FAM193A: variants seen among roughly 807,000 people sequenced by gnomAD.
FAM193A encodes protein FAM193A.
In FAM193A, 22 loss-of-function variants were observed where a neutral mutation model predicts 126.5. The ratio of observed to expected loss-of-function variants is 0.17; its 90% confidence interval spans 0.12 to 0.25. The LOEUF (loss-of-function observed/expected upper bound fraction) is 0.25. Among genes scored for constraint, FAM193A ranks in the 10% least tolerant of loss-of-function variants. The pLI is 1.00. For missense variants in FAM193A, 1,675 were observed against 1,672.8 expected, an observed-to-expected ratio of 1.00 and a Z score of -0.02; for synonymous variants, 761 against 646.8, an observed-to-expected ratio of 1.18 and a Z score of -2.68.
At chr4:2,641,650 A>T (rs1744639262) in intron 6 of FAM193A, among the ~76,000 whole-genome samples, 1 of 152,150 alleles carries the variant, frequency 6.6e-6, no homozygotes, top group Admixed American at 6.5e-5. Flanking sequence ...GCGAGACTCC[A>T]TCTGAAAACA....
intron 6 of FAM193A, 75 bp downstream of exon 6, chr4:2,639,934 C>T (rs1744454293): frequency 2.9e-6 from 4 of 1,390,900 alleles, no homozygotes; most frequent in East Asian, 4.7e-5. Flanking sequence ...GTGCGTGTAC[C>T]CGAGTACCAC....
At chr4:2,537,544 G>A (rs2108795821) in intron 1 of FAM193A, among the ~76,000 whole-genome samples, 1 of 152,378 alleles carries the variant, frequency 6.6e-6, no homozygotes, top group Non-Finnish European at 1.5e-5. Context: ...GGACCCGGCG[G>A]GTGATACCCG....
chr4:2,548,599 G>A (rs886936042), intron 1 of FAM193A, among the ~76,000 whole-genome samples: 20 of 151,734 alleles, frequency 1.3e-4, no homozygotes, highest in Admixed American at 6.6e-5. Flanking sequence ...TGGAGTTATA[G>A]GGATGTGCCA....
At chr4:2,634,418 T>TA (rs746958272) in intron 5 of FAM193A, among the ~76,000 whole-genome samples, 46 of 151,942 alleles carry the variant, frequency 3.0e-4, no homozygotes, top group Non-Finnish European at 5.3e-4. Flanking sequence ...CAGCTCACAG[T>TA]AAAAAAAGTC....
At position 2,700,142 on chromosome 4, in the gene FAM193A, T is replaced by C; in HGVS notation, c.3970T>C (p.Phe1324Leu). Residue 1324 changes from phenylalanine (F) to leucine (L), a missense_variant, in exon 19 of 21, where the codon TTC (phenylalanine) becomes CTC (leucine). By Grantham distance (22) the Phe-to-Leu change is conservative. This residue lies in a region of FAM193A where 415 missense variants were observed against 396.7 expected (regional missense o/e 1.05). Coordinates refer to ENST00000637812, the MANE Select transcript of FAM193A (RefSeq NM_001366318.2). ...NGKQHEPLSF[F>L]FDIMQHHKEG... The stretch of plus-strand genomic sequence containing the variant: ...GAAGCAGCATGAGCCACTCTCTTTT[T>C]TCTTCGACATCATGCAGCACCATAA... 1.9e-6 allele frequency: 3 copies of C among 1,613,518 alleles called. No individual in the cohort carries two copies. Among genetic ancestry groups the C allele is most frequent in the Non-Finnish European group, 2.5e-6 (3 of 1,179,956 alleles).
At chr4:2,697,076 C>G (rs972789197) in intron 18 of FAM193A, among the ~76,000 whole-genome samples, 8 of 152,078 alleles carry the variant, frequency 5.3e-5, no homozygotes, top group Admixed American at 3.9e-4. Context: ...CACTGCTGTT[C>G]CAGATGAAGA....
Position 2,700,434 on chromosome 4 carries a change from C to T in FAM193A, c.4262C>T (p.Pro1421Leu), listed in dbSNP as rs761235700. ...SNPTPMEPTS[P>L]GEHQQNSKLV... ...CCAACCCCTATGGAGCCCACCTCTC[C>T]CGGTGAGCATCAGCAGAACAGCAAG... The change falls in exon 19 of 21, where the codon CCC (proline) becomes CTC (leucine). Residue 1421 changes from proline (P) to leucine (L), a missense_variant. By Grantham distance (98) the Pro-to-Leu change is moderately conservative. This residue lies in a region of FAM193A where 415 missense variants were observed against 396.7 expected (regional missense o/e 1.05). Coordinates refer to ENST00000637812, the MANE Select transcript of FAM193A (RefSeq NM_001366318.2). 3 of 1,614,208 alleles carry T rather than the reference C, an allele frequency of 1.9e-6. No homozygotes were observed. The Middle Eastern group carries it at 4.9e-4, about 266-fold the overall frequency.
At chr4:2,728,757 GT>G (rs1341333534) in intron 20 of FAM193A, among the ~76,000 whole-genome samples, 1 of 151,934 alleles carries the variant, frequency 6.6e-6, no homozygotes, top group East Asian at 1.9e-4. Flanking sequence ...GTTTTTTGTT[GT>G]TTTGTTTAGC....
At chr4:2,585,377 C>G (rs150739428) in intron 1 of FAM193A, among the ~76,000 whole-genome samples, 1 of 152,252 alleles carries the variant, frequency 6.6e-6, no homozygotes, top group East Asian at 1.9e-4. Flanking sequence ...ATGTTTTTGG[C>G]TGAGCGTGGG....
chr4:2,580,939 C>T (rs1214140591), intron 1 of FAM193A, among the ~76,000 whole-genome samples: 1 of 152,180 alleles, frequency 6.6e-6, no homozygotes. Flanking sequence ...ACCATCCTGG[C>T]TAACACGGTG....
intron 20 of FAM193A, among the ~76,000 whole-genome samples, chr4:2,726,783 A>G (rs929872965): frequency 2.1e-5 from 3 of 141,782 alleles, no homozygotes; most frequent in Admixed American, 2.1e-4. Context: ...AATACCAAAA[A>G]AAAAAAAAAA....
At position 2,699,770 on chromosome 4, in the gene FAM193A, G is replaced by T; in HGVS notation, c.3598G>T (p.Asp1200Tyr). The T allele has an allele frequency of 6.2e-7, 1 of 1,613,908 alleles. No individual in the cohort carries two copies. Among genetic ancestry groups the T allele is most frequent in the Non-Finnish European group, 8.5e-7 (1 of 1,179,920 alleles). ...EEQRRREEEE[D>Y]EEEEEDRFKE... The stretch of plus-strand genomic sequence containing the variant: ...GCAGAGGCGGCGGGAGGAGGAGGAG[G>T]ATGAGGAAGAAGAGGAGGATCGTTT... The change falls in exon 19 of 21, where the codon GAT becomes TAT. Residue 1200 changes from aspartate to tyrosine, a missense_variant. By Grantham distance (160) the Asp-to-Tyr change is radical. Around this residue, in one of 4 missense-constraint regions of FAM193A, gnomAD observed 415 missense variants for 396.7 expected, o/e 1.05. Transcript: ENST00000637812.
chr4:2,715,675 G>T (rs1262707083), intron 19 of FAM193A, among the ~76,000 whole-genome samples: 1 of 152,150 alleles, frequency 6.6e-6, no homozygotes, highest in African/African-American at 2.4e-5. Flanking sequence ...CTGGGCTTGC[G>T]TGCGAATTAG....
intron 13 of FAM193A, 69 bp downstream of exon 13, chr4:2,672,441 C>G: frequency 3.9e-6 from 6 of 1,554,578 alleles, no homozygotes; most frequent in Non-Finnish European, 8.8e-7. Flanking sequence ...CATAGTCAAA[C>G]AAAGAAATCT....
In FAM193A at chr4:2,616,943, C is replaced by T. The variant is rs1482766693; in HGVS notation, c.502-8319C>T. 2.5e-4 allele frequency among the ~76,000 whole-genome samples: 37 copies of T among 145,580 alleles called. No individual in the cohort carries two copies. The East Asian group carries it at 2.6e-3, about 10-fold the overall frequency. ...CAGCACTTTGGGAGGCTGAGGCGGG[C>T]GGATTACCCAAGCTCAGGAGTTCGA... On this transcript the variant is annotated intron_variant, in intron 2 of 20. Transcript: ENST00000637812.
chr4:2,681,133 G>A (rs1715064281), intron 13 of FAM193A, among the ~76,000 whole-genome samples: 1 of 152,060 alleles, frequency 6.6e-6, no homozygotes, highest in African/African-American at 2.4e-5. Flanking sequence ...ATGATTACAG[G>A]TGTGCGCCAC....
intron 2 of FAM193A, among the ~76,000 whole-genome samples, chr4:2,624,229 T>C (rs569176763): frequency 1.3e-5 from 2 of 151,934 alleles, no homozygotes; most frequent in Non-Finnish European, 2.9e-5. Flanking sequence ...CAGGCTGGAG[T>C]GCGGTGGCGC....
At chr4:2,576,160 G>C (rs879422841) in intron 1 of FAM193A, among the ~76,000 whole-genome samples, 1 of 151,990 alleles carries the variant, frequency 6.6e-6, no homozygotes, top group African/African-American at 2.4e-5. Context: ...GCAGTGGCAC[G>C]ATCTCGGCTC....
intron 13 of FAM193A, among the ~76,000 whole-genome samples, chr4:2,681,504 G>A (rs1444589275): frequency 6.6e-6 from 1 of 152,206 alleles, no homozygotes; most frequent in Non-Finnish European, 1.5e-5. Flanking sequence ...AGCCTGGAGT[G>A]TAGTGGTGCG....
Sources: gnomAD v4.1 joint callset for allele counts (sites outside exome capture counted in the v4.1 genomes callset) on GRCh38, gnomAD v4.1.1 for gene constraint, gnomAD v4.1.1 regional missense constraint, MANE v1.5 for transcripts, NCBI Gene and HGNC (gene_info 2026-07-23, HGNC 2026-07-21) for gene names.